The following XPO4 variants were observed in gnomAD, a reference collection of about 807,000 sequenced individuals.
XPO4 encodes the protein exportin-4.
A neutral mutation model predicts 143.0 loss-of-function variants in XPO4; 39 were observed. The ratio of observed to expected loss-of-function variants is 0.27; its 90% CI spans 0.21 to 0.36. The LOEUF (loss-of-function observed/expected upper bound fraction) is 0.36. XPO4 is among the 10% of genes least tolerant of loss of function. The pLI is 1.00. For missense variants in XPO4, 907 were observed against 1,348.0 expected (o/e 0.67, Z 5.12); for synonymous variants, 439 against 474.0 (o/e 0.93, Z 0.96).
intron 1 of XPO4, among the ~76,000 whole-genome samples, chr13:20,884,918 T>G (rs184248562): frequency 6.6e-6 from 1 of 152,128 alleles, no homozygotes; most frequent in Non-Finnish European, 1.5e-5. Flanking sequence ...TGGACAGCAA[T>G]AGCGCATTAA....
intron 18 of XPO4, among the ~76,000 whole-genome samples, chr13:20,792,875 C>G (rs939471176): frequency 6.6e-6 from 1 of 151,990 alleles, no homozygotes; most frequent in African/African-American, 2.4e-5. Flanking sequence ...AACCTCCTCT[C>G]TTCCCAGGTT....
intron 1 of XPO4, among the ~76,000 whole-genome samples, chr13:20,878,429 T>A (rs537362947): frequency 8.6e-5 from 13 of 151,360 alleles, no homozygotes; most frequent in African/African-American, 3.2e-4. Flanking sequence ...AAAGAAGAAG[T>A]AACAATTTAA....
chr13:20,808,899 G>A (rs2059540768), intron 11 of XPO4, among the ~76,000 whole-genome samples, 184 bp downstream of exon 11: 1 of 152,138 alleles, frequency 6.6e-6, no homozygotes. Context: ...CATCTATGCT[G>A]TAGTGCCTGG....
At chr13:20,864,002 A>G (rs2060224106) in intron 2 of XPO4, among the ~76,000 whole-genome samples, 1 of 152,218 alleles carries the variant, frequency 6.6e-6, no homozygotes. Flanking sequence ...GTATTAGACT[A>G]CTACACAGGA....
At position 20,788,517 on chromosome 13, in the gene XPO4, G is replaced by C. The variant is rs1310176116; in HGVS notation, c.3016C>G (p.Leu1006Val). The C allele has an allele frequency of 6.2e-7, 1 of 1,612,828 alleles. No individual in the cohort carries two copies. The highest frequency in any genetic ancestry group is 1.3e-5 in the African/African-American group (1 of 74,884). The change falls in exon 20 of 23, where the codon CTG becomes GTG. Residue 1006 changes from leucine (L) to valine (V), a missense_variant. Transcript: ENST00000255305. Reference protein sequence around the residue: ...PQLPEDLFKSLMYSLELGMTS... With the variant: ...PQLPEDLFKSVMYSLELGMTS... Reference sequence around the variant, plus strand: ...ATTCCTAATTCTAGGGAGTACATCAGACTTTTAAACAGATCCTCAGGAAGC... The same window carrying C: ...ATTCCTAATTCTAGGGAGTACATCACACTTTTAAACAGATCCTCAGGAAGC...
intron 1 of XPO4, among the ~76,000 whole-genome samples, chr13:20,899,182 C>CA (rs2060596848): frequency 6.6e-6 from 1 of 152,006 alleles, no homozygotes; most frequent in Admixed American, 6.6e-5. Flanking sequence ...ACTAACCTCT[C>CA]ATGGACACCG....
chr13:20,856,787 C>T, intron 3 of XPO4: 3 of 958,432 alleles, frequency 3.1e-6, no homozygotes, highest in Non-Finnish European at 3.7e-6. Flanking sequence ...CAGTTCCTCA[C>T]TCCACACTCT....
intron 1 of XPO4, among the ~76,000 whole-genome samples, chr13:20,891,279 C>G (rs925098444): frequency 2.0e-5 from 3 of 152,040 alleles, no homozygotes; most frequent in African/African-American, 4.8e-5. Context: ...TTGGAGAGAG[C>G]AGATAAAGAA....
rs576385505 is a variant in XPO4, at chr13:20,877,105, G to A, written c.70-8404C>T. ...CTAGACACAGAAAAGATCCCCAAGT[G>A]CCCCCACTCGACCCAGGAAGTCCAG... On this transcript the variant is annotated intron_variant, in intron 1 of 22. Coordinates refer to ENST00000255305, the MANE Select transcript of XPO4 (RefSeq NM_022459.5). Among the ~76,000 whole-genome samples the A allele has an allele frequency of 6.6e-5, 10 of 152,244 alleles. No individual in the cohort carries two copies. In the South Asian group the frequency reaches 2.1e-3, roughly 32 times the overall value.
upstream of XPO4, chr13:20,902,757 C>T: frequency 6.8e-7 from 1 of 1,467,562 alleles, no homozygotes; most frequent in Non-Finnish European, 9.1e-7. Flanking sequence ...TTCAATGACG[C>T]GCCATGCGCT....
intron 4 of XPO4, among the ~76,000 whole-genome samples, chr13:20,847,055 G>T (rs1185474833): frequency 6.6e-6 from 1 of 151,970 alleles, no homozygotes; most frequent in East Asian, 1.9e-4. Context: ...ATACCAAATA[G>T]TATAAGCTCT....
At chr13:20,786,338 A>C (rs1055097710) in intron 22 of XPO4, among the ~76,000 whole-genome samples, 3 of 151,432 alleles carry the variant, frequency 2.0e-5, no homozygotes, top group Admixed American at 1.3e-4. Flanking sequence ...TGTACCTTAC[A>C]TATATATGTG....
At chr13:20,875,752 T>C in intron 1 of XPO4, among the ~76,000 whole-genome samples, 1 of 152,190 alleles carries the variant, frequency 6.6e-6, no homozygotes, top group African/African-American at 2.4e-5. Flanking sequence ...CTAATCCCAT[T>C]TCTGTAGCAC....
intron 6 of XPO4, among the ~76,000 whole-genome samples, chr13:20,828,365 A>G (rs1338797910): frequency 6.6e-6 from 1 of 152,224 alleles, no homozygotes; most frequent in Non-Finnish European, 1.5e-5. Context: ...ATAATCACCC[A>G]GAGCTATCGT....
In XPO4 at chr13:20,851,727, AAAAG is replaced by A. The variant is rs1555339513; in HGVS notation, c.456+3896_456+3899del. On this transcript the variant is annotated intron_variant, in intron 4 of 22. Transcript: ENST00000255305. The stretch of plus-strand genomic sequence containing the variant: ...CCGGTCTCACAAAAAAAAAAAAAAA[AAAAG>A]AAAGAAAGAAAGAAAGAAAGACAGA... The A allele has an allele frequency of 1.2e-3, 1,012 of 856,422 alleles. 7 individuals are homozygous for A. The African/African-American group carries it at 0.013, about 11-fold the overall frequency. The allele number at this position is 856,422 out of a possible 1,614,324, so 53.1% of individuals were successfully genotyped here.
intron 4 of XPO4, among the ~76,000 whole-genome samples, chr13:20,847,731 T>A (rs926162336): frequency 1.3e-5 from 2 of 152,174 alleles, no homozygotes; most frequent in African/African-American, 2.4e-5. Context: ...TAGTAATTAA[T>A]GTCAGTGAAT....
At chr13:20,801,513 A>C (rs1329723858) in intron 13 of XPO4, among the ~76,000 whole-genome samples, 2 of 152,194 alleles carry the variant, frequency 1.3e-5, no homozygotes, top group African/African-American at 4.8e-5. Context: ...TTGATTCTTC[A>C]TGGTATTTTT....
Position 20,822,136 on chromosome 13 carries a change from T to C in XPO4, c.994A>G (p.Asn332Asp). The change falls in exon 8 of 23, where the codon AAT becomes GAT. Residue 332 changes from asparagine (N) to aspartate (D), a missense_variant. Transcript: ENST00000255305. ...HFIEGLLNTI[N>D]GIEIEDSEAV... ...GCAAAGGGCAAGTATACCTACCCAT[T>C]GATAGTATTCAGTAATCCCTCAATG... The C allele has an allele frequency of 6.2e-7, 1 of 1,610,840 alleles. No homozygotes were observed. The highest frequency in any genetic ancestry group is 8.5e-7 in the Non-Finnish European group (1 of 1,178,454).
rs9579954 is a variant in XPO4 at position 20,800,194 on chromosome 13, A to G, written c.2109T>C (p.Thr703=). Residue 703 remains threonine, a synonymous_variant, in exon 15 of 23, where the codon ACT becomes ACC. Transcript: ENST00000255305. The part of the protein sequence containing the change: ...WSSEQDLAND[T]VQLLVTLVER... ...CCACCAAAGTGACAAGGAGCTGCAC[A>G]GTGTCATTTGCAAGGTCCTGCTCAC... 195,807 of 1,614,074 alleles carry G rather than the reference A, an allele frequency of 0.12. 13,244 individuals are homozygous for G. The highest frequency in any genetic ancestry group is 0.14 in the Non-Finnish European group (161,329 of 1,179,970).
Sources: gnomAD v4.1 joint callset for allele counts (sites outside exome capture counted in the v4.1 genomes callset) on GRCh38, gnomAD v4.1.1 for gene constraint, MANE v1.5 for transcripts, NCBI Gene and HGNC (gene_info 2026-07-23, HGNC 2026-07-21) for gene names.